Variants in PPP2R2C observed in about 807,000 individuals in gnomAD.
PPP2R2C encodes the protein protein phosphatase 2 regulatory subunit Bgamma.
In PPP2R2C, 10 loss-of-function variants were observed where a neutral mutation model predicts 45.3. The observed-to-expected ratio is 0.22, with a 90% CI of 0.14 to 0.37. The LOEUF is 0.37. Ranked by LOEUF, PPP2R2C falls within the 10% of genes least tolerant of loss-of-function variation. The probability of loss-of-function intolerance (pLI) is 1.00; values close to 1 mark genes in which losing one functional copy is unlikely to be tolerated. For missense variants in PPP2R2C, 308 were observed against 619.7 expected (o/e 0.50, Z 5.34); for synonymous variants, 257 against 245.4 (o/e 1.05, Z -0.44).
chr4:6,447,342 C>T (rs1224077672), intron 1 of PPP2R2C, among the ~76,000 whole-genome samples: 1 of 152,120 alleles, frequency 6.6e-6, no homozygotes, highest in African/African-American at 2.4e-5. Context: ...GAGGAACCTC[C>T]CACCCTCCCG....
intron 1 of PPP2R2C, among the ~76,000 whole-genome samples, chr4:6,393,990 G>C (rs61670349): frequency 1.3e-5 from 2 of 152,226 alleles, no homozygotes; most frequent in Non-Finnish European, 2.9e-5. Context: ...CAGGGTCAAG[G>C]TGAGGGAGAC....
At chr4:6,490,453 T>C (rs551411525) in intron 2 of PPP2R2C, among the ~76,000 whole-genome samples, 9 of 152,224 alleles carry the variant, frequency 5.9e-5, no homozygotes, top group Non-Finnish European at 1.3e-4. Flanking sequence ...ATTTTAAAAA[T>C]GATTGCTCAC....
In PPP2R2C at chr4:6,472,308, G is replaced by A. The variant is rs1721944551; in HGVS notation, c.-79C>T. 1.9e-6 allele frequency: 3 copies of A among 1,583,756 alleles called. No individual in the cohort carries two copies. The highest frequency in any genetic ancestry group is 2.3e-5 in the East Asian group (1 of 43,254). ...TCCGCAGAGGTCGCGCCGGGCGCGC[G>A]GGCCATGCCGCCGCAGCCTAGCAGG... is the stretch of plus-strand genomic sequence containing the variant. On this transcript the variant is annotated 5_prime_UTR_variant, in exon 1 of 9. Transcript: ENST00000382599.
In PPP2R2C at chr4:6,378,292, C is replaced by T. The variant is rs1242008803; in HGVS notation, c.334+115G>A. 6.5e-7 allele frequency: 1 copy of T among 1,548,902 alleles called. No individual in the cohort carries two copies. Among genetic ancestry groups the T allele is most frequent in the Non-Finnish European group, 8.7e-7 (1 of 1,152,200 alleles). ...TGCTGCTCAAAAAGGATATTATTTT[C>T]TAGGCGTTCTGAAGACATAGAAAAA... On this transcript the variant is annotated intron_variant, in intron 3 of 8. Transcript: ENST00000382599. This position sits in a 1 kb window ranked among gnomAD's most constrained non-coding sequence, Gnocchi z 5.2.
chr4:6,426,685 T>G (rs2109402330), intron 1 of PPP2R2C, among the ~76,000 whole-genome samples: 1 of 152,188 alleles, frequency 6.6e-6, no homozygotes, highest in East Asian at 1.9e-4. Flanking sequence ...AGAGTAGACT[T>G]GGGTGGAGCA....
At chr4:6,394,671 G>A (rs1402619205) in intron 1 of PPP2R2C, among the ~76,000 whole-genome samples, 2 of 152,244 alleles carry the variant, frequency 1.3e-5, no homozygotes, top group Non-Finnish European at 2.9e-5. Flanking sequence ...TGACACTGAT[G>A]CGGACCTATC....
At chr4:6,382,622 T>C (rs1715886184) in intron 1 of PPP2R2C, 8 of 526,224 alleles carry the variant, frequency 1.5e-5, no homozygotes, top group Non-Finnish European at 1.8e-5. Context: ...GAGTTTCTCG[T>C]TCTCTCTCTC....
intron 5 of PPP2R2C, among the ~76,000 whole-genome samples, chr4:6,363,770 G>A (rs752653871): frequency 2.6e-5 from 4 of 151,906 alleles, no homozygotes; most frequent in Admixed American, 6.6e-5. Flanking sequence ...AGGGAGACCC[G>A]GCAAGGATAG....
At chr4:6,449,694 C>T (rs955618603) in intron 1 of PPP2R2C, among the ~76,000 whole-genome samples, 6 of 152,244 alleles carry the variant, frequency 3.9e-5, no homozygotes, top group African/African-American at 1.4e-4. Flanking sequence ...TCCACGGGCC[C>T]CTGCCTGCCA....
At chr4:6,337,556 G>A (rs867466001) in intron 6 of PPP2R2C, among the ~76,000 whole-genome samples, 2 of 152,084 alleles carry the variant, frequency 1.3e-5, no homozygotes, top group Admixed American at 6.5e-5. Flanking sequence ...GTACCCCCTC[G>A]CCTGCTCAGG....
At chr4:6,342,126 AC>A (rs1733501570) in intron 6 of PPP2R2C, among the ~76,000 whole-genome samples, 3 of 133,702 alleles carry the variant, frequency 2.2e-5, no homozygotes, top group South Asian at 2.3e-4. Context: ...ACACACACAC[AC>A]ATACATATAT....
chr4:6,401,216 AC>A (rs1445821534), intron 1 of PPP2R2C, among the ~76,000 whole-genome samples: 1 of 152,126 alleles, frequency 6.6e-6, no homozygotes, highest in African/African-American at 2.4e-5. Context: ...AGAAAAACCA[AC>A]CCAGGTGAAG....
chr4:6,372,026 C>T (rs1168833843), intron 5 of PPP2R2C, among the ~76,000 whole-genome samples: 7 of 152,176 alleles, frequency 4.6e-5, no homozygotes, highest in Non-Finnish European at 7.4e-5. Context: ...AGGAGAACAC[C>T]GAGCAGGGGG....
chr4:6,535,981 G>T (rs1724598693), intron 1 of PPP2R2C, among the ~76,000 whole-genome samples: 1 of 152,170 alleles, frequency 6.6e-6, no homozygotes, highest in Non-Finnish European at 1.5e-5. Context: ...TTACCTTGAG[G>T]TTGCTTGGCT....
rs148017401 is a variant in PPP2R2C, at chr4:6,397,011, T to C, written c.71-15917A>G. ...CAAAAAATTCCTAAAAATGTAACTA[T>C]TGACTCCCGCGCACTGATGCGAGCC... On this transcript the variant is annotated intron_variant, in intron 1 of 8. Coordinates refer to ENST00000382599, the MANE Select transcript of PPP2R2C (RefSeq NM_020416.4). Among the ~76,000 whole-genome samples, 216 of 152,352 alleles carry C rather than the reference T, an allele frequency of 1.4e-3. 2 individuals are homozygous for C. The highest frequency in any genetic ancestry group is 4.1e-3 in the South Asian group (20 of 4,834).
intron 2 of PPP2R2C, among the ~76,000 whole-genome samples, chr4:6,512,809 G>T (rs1723711770): frequency 6.6e-6 from 1 of 151,874 alleles, no homozygotes; most frequent in Non-Finnish European, 1.5e-5. Flanking sequence ...GTCCAGGGTG[G>T]CACTTGACAC....
intron 1 of PPP2R2C, among the ~76,000 whole-genome samples, chr4:6,468,481 G>T (rs1182165912): frequency 6.6e-6 from 1 of 152,206 alleles, no homozygotes; most frequent in Non-Finnish European, 1.5e-5. Context: ...GTCCAACAGT[G>T]TGTGATGGCT....
intron 2 of PPP2R2C, among the ~76,000 whole-genome samples, chr4:6,524,344 G>A (rs566012571): frequency 3.7e-4 from 57 of 152,204 alleles, no homozygotes; most frequent in Non-Finnish European, 7.5e-4. Context: ...TCCAGAACAG[G>A]CAGATTCACC....
intron 1 of PPP2R2C, among the ~76,000 whole-genome samples, chr4:6,549,346 C>G (rs1440469054): frequency 6.6e-6 from 1 of 151,438 alleles, no homozygotes; most frequent in Admixed American, 6.6e-5. Context: ...TCATTTCATT[C>G]CAGAGCTTTG....
Sources: allele counts gnomAD v4.1 joint callset (sites outside exome capture counted in the v4.1 genomes callset), GRCh38; gene constraint gnomAD v4.1.1; non-coding constraint Gnocchi (gnomAD v3.1); transcripts MANE v1.5; gene names NCBI Gene and HGNC (gene_info 2026-07-23, HGNC 2026-07-21).